ARHGAP24: variants seen among roughly 807,000 people sequenced by gnomAD.
The protein encoded by ARHGAP24 is Rho GTPase activating protein 24.
In ARHGAP24, 50 loss-of-function variants were observed where a neutral mutation model predicts 76.4. The ratio of observed to expected loss-of-function variants is 0.65; its 90% CI spans 0.52 to 0.83. The LOEUF (loss-of-function observed/expected upper bound fraction) is 0.83. Among genes scored for constraint, ARHGAP24 ranks in the 40% least tolerant of loss-of-function variants. The pLI is 0.00. For synonymous variants in ARHGAP24, 345 were observed against 323.3 expected (o/e 1.07, Z -0.72); for missense variants, 930 against 914.2 (o/e 1.02, Z -0.22).
chr4:85,788,341 C>T (rs1032098849), intron 3 of ARHGAP24, among the ~76,000 whole-genome samples: 3 of 152,168 alleles, frequency 2.0e-5, no homozygotes, highest in African/African-American at 7.2e-5. Context: ...AACATCTATT[C>T]CTTCTACACA....
At chr4:85,748,757 A>G (rs1726145843) in intron 3 of ARHGAP24, among the ~76,000 whole-genome samples, 1 of 152,204 alleles carries the variant, frequency 6.6e-6, no homozygotes, top group Admixed American at 6.5e-5. Flanking sequence ...CATAAGAGCA[A>G]AATTAGAATG....
At chr4:85,610,543 CAG>C (rs1720349201) in intron 2 of ARHGAP24, among the ~76,000 whole-genome samples, 1 of 86,352 alleles carries the variant, frequency 1.2e-5, no homozygotes, top group African/African-American at 4.7e-5. Context: ...GAATCACCAA[CAG>C]AAATAGACAA....
At chr4:85,935,302 A>G (rs1294117958) in intron 4 of ARHGAP24, among the ~76,000 whole-genome samples, 1 of 152,206 alleles carries the variant, frequency 6.6e-6, no homozygotes, top group Non-Finnish European at 1.5e-5. Context: ...AAATCTATGA[A>G]TTCACAGACT....
chr4:85,918,331 A>G (rs1161118077), intron 3 of ARHGAP24, among the ~76,000 whole-genome samples: 8 of 151,966 alleles, frequency 5.3e-5, no homozygotes, highest in African/African-American at 1.9e-4. Context: ...TGACTGCATC[A>G]TAAGGAATAT....
chr4:85,756,850 T>C (rs1016574728), intron 3 of ARHGAP24, among the ~76,000 whole-genome samples: 25 of 151,984 alleles, frequency 1.6e-4, no homozygotes, highest in African/African-American at 5.8e-4. Context: ...ACCAAGGGAG[T>C]TTGAATTAAG....
intron 1 of ARHGAP24, among the ~76,000 whole-genome samples, chr4:85,502,039 G>A (rs1723839972): frequency 6.6e-6 from 1 of 152,042 alleles, no homozygotes; most frequent in Admixed American, 6.5e-5. Context: ...TTGTAGATAT[G>A]CGGTGATATT....
At chr4:85,702,935 G>T (rs1225127407) in intron 2 of ARHGAP24, among the ~76,000 whole-genome samples, 1 of 151,906 alleles carries the variant, frequency 6.6e-6, no homozygotes, top group Non-Finnish European at 1.5e-5. Flanking sequence ...TTTGTGGCCA[G>T]CTGTGATGGA....
chr4:85,831,381 G>T (rs1228610988), intron 3 of ARHGAP24, among the ~76,000 whole-genome samples: 1 of 152,024 alleles, frequency 6.6e-6, no homozygotes, highest in Non-Finnish European at 1.5e-5. Flanking sequence ...GACCTTAAGG[G>T]AATTTTAAAG....
chr4:85,523,237 A>G (rs959575331), intron 1 of ARHGAP24, among the ~76,000 whole-genome samples: 1 of 152,210 alleles, frequency 6.6e-6, no homozygotes, highest in African/African-American at 2.4e-5. Context: ...TAATTTTACC[A>G]TAACACTAAA....
intron 1 of ARHGAP24, among the ~76,000 whole-genome samples, chr4:85,488,614 C>T (rs1463031284): frequency 1.3e-5 from 2 of 152,142 alleles, no homozygotes; most frequent in East Asian, 3.9e-4. Context: ...ACAAGCATAC[C>T]AGCCTCTTGA....
chr4:85,919,981 C>G (rs562785919), intron 3 of ARHGAP24, among the ~76,000 whole-genome samples: 10 of 152,258 alleles, frequency 6.6e-5, no homozygotes, highest in Non-Finnish European at 1.3e-4. Context: ...ATATGTCATA[C>G]AGCCATGTAT....
At chr4:85,562,039 C>A (rs1005117180) in intron 1 of ARHGAP24, among the ~76,000 whole-genome samples, 3 of 152,028 alleles carry the variant, frequency 2.0e-5, no homozygotes, top group African/African-American at 7.2e-5. Context: ...ATTAGCTGTT[C>A]AAAGATGTGA....
intron 5 of ARHGAP24, among the ~76,000 whole-genome samples, chr4:85,970,470 T>A (rs897678989): frequency 6.6e-6 from 1 of 152,180 alleles, no homozygotes; most frequent in Non-Finnish European, 1.5e-5. Context: ...CAGGCTAGAA[T>A]AATGCCTCTT....
rs574936068 is a variant in ARHGAP24, at chr4:85,757,814, C to T, written c.268+35842C>T. Among the ~76,000 whole-genome samples the T allele has an allele frequency of 3.9e-5, 6 of 152,320 alleles. No individual in the cohort carries two copies. In the South Asian group the frequency reaches 8.3e-4, roughly 21 times the overall value. On this transcript the variant is annotated intron_variant, in intron 3 of 9. Transcript: ENST00000395184. ...CATACTGTCTTCCACAATGTCTGAACTGGTTTACAGTCCCACCAACAGTGT... is the reference window on the plus strand; with the variant it reads ...CATACTGTCTTCCACAATGTCTGAATTGGTTTACAGTCCCACCAACAGTGT...
intron 3 of ARHGAP24, among the ~76,000 whole-genome samples, chr4:85,784,968 T>C (rs1179722660): frequency 6.6e-6 from 1 of 151,872 alleles, no homozygotes; most frequent in African/African-American, 2.4e-5. Context: ...TCTCTCTATC[T>C]CTCTATCTGC....
At chr4:85,895,834 G>A (rs574254537) in intron 3 of ARHGAP24, among the ~76,000 whole-genome samples, 1 of 152,222 alleles carries the variant, frequency 6.6e-6, no homozygotes, top group East Asian at 1.9e-4. Flanking sequence ...ATTTCTCAGT[G>A]TTTTGTTTCT....
chr4:85,556,444 G>A (rs1294484896), intron 1 of ARHGAP24, among the ~76,000 whole-genome samples: 5 of 152,156 alleles, frequency 3.3e-5, no homozygotes, highest in Non-Finnish European at 5.9e-5. Context: ...CTCTCCATAT[G>A]ATAGCTGCAG....
At chr4:85,776,824 T>G (rs1430749185) in intron 3 of ARHGAP24, among the ~76,000 whole-genome samples, 3 of 152,154 alleles carry the variant, frequency 2.0e-5, no homozygotes, top group Non-Finnish European at 4.4e-5. Flanking sequence ...GCCTATTACC[T>G]TACAAGGTCT....
At chr4:85,915,582 C>T (rs963149357) in intron 3 of ARHGAP24, among the ~76,000 whole-genome samples, 1 of 151,934 alleles carries the variant, frequency 6.6e-6, no homozygotes. Context: ...CCCCCCACGC[C>T]CCAATAAGCC....
Sources: gnomAD v4.1 joint callset for allele counts (sites outside exome capture counted in the v4.1 genomes callset) on GRCh38, gnomAD v4.1.1 for gene constraint, MANE v1.5 for transcripts, NCBI Gene and HGNC (gene_info 2026-07-23, HGNC 2026-07-21) for gene names.